Variants in DSE observed in about 807,000 individuals in gnomAD.
DSE encodes the protein dermatan sulfate epimerase, also known as dermatan-sulfate epimerase.
DSE carries 36 observed loss-of-function variants against 84.4 expected under a neutral mutation model. The observed-to-expected ratio is 0.43, with a 90% confidence interval of 0.33 to 0.56. The LOEUF is 0.56. DSE is among the 20% of genes least tolerant of loss of function. The probability of loss-of-function intolerance (pLI) is 0.06; values close to 1 mark genes in which losing one functional copy is unlikely to be tolerated. For synonymous variants in DSE, 410 were observed against 430.1 expected (o/e 0.95, Z 0.58); for missense variants, 862 against 1,169.6 (o/e 0.74, Z 3.84).
At chr6:116,417,761 C>A (rs945164015) in intron 2 of DSE, among the ~76,000 whole-genome samples, 5 of 152,126 alleles carry the variant, frequency 3.3e-5, no homozygotes, top group Admixed American at 6.5e-5. Context: ...ATCCTTCTAG[C>A]AATTGTTTCC....
intron 2 of DSE, among the ~76,000 whole-genome samples, chr6:116,321,978 A>T (rs1181998117): frequency 6.6e-6 from 1 of 152,162 alleles, no homozygotes; most frequent in African/African-American, 2.4e-5. Context: ...GAGTTAAAGA[A>T]GGAAGGGGTT....
At chr6:116,409,943 G>T (rs558750732) in intron 2 of DSE, among the ~76,000 whole-genome samples, 60 of 152,292 alleles carry the variant, frequency 3.9e-4, no homozygotes, top group African/African-American at 1.4e-3. Flanking sequence ...AGAAAGCAGA[G>T]TGCTTTTGAG....
At chr6:116,417,204 C>T (rs1180842960) in intron 2 of DSE, among the ~76,000 whole-genome samples, 1 of 152,142 alleles carries the variant, frequency 6.6e-6, no homozygotes, top group Non-Finnish European at 1.5e-5. Flanking sequence ...GCAAAGTATA[C>T]TTACTCAGTT....
intron 2 of DSE, among the ~76,000 whole-genome samples, chr6:116,316,907 C>G (rs1190466870): frequency 2.0e-5 from 3 of 151,532 alleles, no homozygotes; most frequent in Non-Finnish European, 4.4e-5. Context: ...TCATTTACTA[C>G]TAGAAATTTT....
intron 1 of DSE, among the ~76,000 whole-genome samples, chr6:116,378,340 C>T (rs1254056079): frequency 2.0e-5 from 3 of 152,088 alleles, no homozygotes; most frequent in South Asian, 2.1e-4. Context: ...TAATTTATGA[C>T]TTCTGCTTAT....
chr6:116,346,584 A>G (rs1777985898), intron 2 of DSE, among the ~76,000 whole-genome samples: 1 of 152,246 alleles, frequency 6.6e-6, no homozygotes, highest in Non-Finnish European at 1.5e-5. Flanking sequence ...TCATGCTAAA[A>G]ACTTTCAATA....
chr6:116,435,381 G>A (rs1784079984), intron 5 of DSE, among the ~76,000 whole-genome samples: 1 of 152,098 alleles, frequency 6.6e-6, no homozygotes, highest in South Asian at 2.1e-4. Flanking sequence ...GATCACAAAT[G>A]ATAAAGAAAT....
intron 3 of DSE, among the ~76,000 whole-genome samples, chr6:116,427,098 T>C (rs1783496295): frequency 6.6e-6 from 1 of 152,194 alleles, no homozygotes; most frequent in South Asian, 2.1e-4. Flanking sequence ...CAGTGATAAA[T>C]ATTCATTTTT....
chr6:116,356,940 T>C (rs1554217241), intron 2 of DSE, among the ~76,000 whole-genome samples: 2 of 152,226 alleles, frequency 1.3e-5, no homozygotes, highest in Non-Finnish European at 2.9e-5. Flanking sequence ...ACCATAGTCA[T>C]GCCCTTAAGC....
At chr6:116,417,973 G>C (rs1782824041) in intron 2 of DSE, among the ~76,000 whole-genome samples, 1 of 152,184 alleles carries the variant, frequency 6.6e-6, no homozygotes, top group African/African-American at 2.4e-5. Context: ...AATTTGTACA[G>C]AGGTGAATAG....
chr6:116,396,666 A>T (rs1322707699), intron 1 of DSE, among the ~76,000 whole-genome samples: 2 of 152,158 alleles, frequency 1.3e-5, no homozygotes. Flanking sequence ...ATGCTTCAGG[A>T]TCAGCTTTTC....
chr6:116,316,596 C>T lies in DSE; in HGVS notation c.-54+57629C>T, dbSNP rs187684792. On this transcript the variant is annotated intron_variant, in intron 2 of 3. Coordinates refer to the DSE transcript ENST00000430252. ...TAAGATTTAAATAATTTTGTCAAAG[C>T]GTTATCCCCTCAACTCATGAAATAA... Among the ~76,000 whole-genome samples, 362 of 151,714 alleles carry T rather than the reference C, an allele frequency of 2.4e-3. 1 individual carries two copies. Among genetic ancestry groups the T allele is most frequent in the African/African-American group, 8.4e-3 (346 of 41,336 alleles).
At chr6:116,322,547 G>GC (rs1014124592) in intron 2 of DSE, among the ~76,000 whole-genome samples, 16 of 128,470 alleles carry the variant, frequency 1.2e-4, no homozygotes, top group South Asian at 9.9e-4. Flanking sequence ...AATTACTTCT[G>GC]CCCCCCCACC....
Position 116,279,439 on chromosome 6 carries a change from G to A in DSE, c.-54+20472G>A, listed in dbSNP as rs138602300. ...TCTCTGGGCGCCACAGATTTCTAGG[G>A]CCTTCTCTCCACCCTGAACGCCCTT... On this transcript the variant is annotated intron_variant, in intron 2 of 3. Coordinates refer to the DSE transcript ENST00000430252. 63 of 1,613,392 alleles carry A rather than the reference G, an allele frequency of 3.9e-5. No homozygotes were observed. In the African/African-American group the frequency reaches 6.9e-4, roughly 18 times the overall value.
intron 2 of DSE, among the ~76,000 whole-genome samples, chr6:116,269,025 A>AG: frequency 6.6e-6 from 1 of 151,430 alleles, no homozygotes; most frequent in East Asian, 1.9e-4. Flanking sequence ...CTTTAAAAAA[A>AG]AAAAGAAAAA....
chr6:116,350,234 A>G (rs1778228943), intron 2 of DSE, among the ~76,000 whole-genome samples: 1 of 152,186 alleles, frequency 6.6e-6, no homozygotes, highest in African/African-American at 2.4e-5. Flanking sequence ...ATGCCTTAAT[A>G]AAAACTGCCC....
At chr6:116,347,592 T>A (rs3002436) in intron 2 of DSE, among the ~76,000 whole-genome samples, 3,411 of 152,324 alleles carry the variant, frequency 0.022, 138 homozygotes, top group African/African-American at 0.078. Context: ...GCTAGCCATA[T>A]GTAGAAAGCT....
At chr6:116,260,519 G>C (rs1260744444) in intron 2 of DSE, among the ~76,000 whole-genome samples, 3 of 152,072 alleles carry the variant, frequency 2.0e-5, no homozygotes, top group Non-Finnish European at 4.4e-5. Context: ...TGCTTTTGTT[G>C]CAATTGTTTT....
intron 1 of DSE, among the ~76,000 whole-genome samples, chr6:116,372,378 G>A (rs1001867594): frequency 9.2e-5 from 14 of 152,208 alleles, no homozygotes; most frequent in African/African-American, 3.1e-4. Context: ...TGAGGCAGGA[G>A]AATGGCGTGA....
Sources: gnomAD v4.1 joint callset for allele counts (sites outside exome capture counted in the v4.1 genomes callset) on GRCh38, gnomAD v4.1.1 for gene constraint, MANE v1.5 for transcripts, NCBI Gene and HGNC (gene_info 2026-07-23, HGNC 2026-07-21) for gene names.